Variants in MBD5 observed in about 807,000 individuals in gnomAD.
MBD5 encodes the protein methyl-CpG-binding domain protein 5.
In MBD5, 13 loss-of-function variants were observed where a neutral mutation model predicts 117.3. The ratio of observed to expected loss-of-function variants is 0.11; its 90% confidence interval spans 0.07 to 0.18. MBD5 has a LOEUF of 0.18. Among genes scored for constraint, MBD5 ranks in the 10% least tolerant of loss-of-function variants. MBD5 has a pLI of 1.00. For synonymous variants in MBD5, 727 were observed against 766.4 expected (o/e 0.95, Z 0.85); for missense variants, 1,879 against 2,093.8 (o/e 0.90, Z 2.00).
intron 4 of MBD5, among the ~76,000 whole-genome samples, chr2:148,414,585 G>A (rs1009968808): frequency 5.9e-5 from 9 of 152,090 alleles, no homozygotes; most frequent in Non-Finnish European, 1.0e-4. Context: ...CTATTATAGC[G>A]TGGGACTCTA....
chr2:148,343,567 T>C (rs1253701599), intron 4 of MBD5, among the ~76,000 whole-genome samples: 1 of 152,182 alleles, frequency 6.6e-6, no homozygotes, highest in South Asian at 2.1e-4. Flanking sequence ...GCCTCTTGTA[T>C]ATCTTCTTTT....
Position 148,021,507 on chromosome 2 carries a change from G to A in MBD5, c.-1102G>A. ...TGCTGCTGCTGCTGCTACTGCTGCT[G>A]CTGCTACTGCTGCTGCTTGGCCCTG... On this transcript the variant is annotated 5_prime_UTR_variant, in exon 1 of 14. Transcript: ENST00000642680. 1 of 576,324 alleles carries A rather than the reference G, an allele frequency of 1.7e-6. No homozygotes were observed. The allele number at this position is 576,324 out of a possible 1,614,324, so 35.7% of individuals were successfully genotyped here.
intron 4 of MBD5, among the ~76,000 whole-genome samples, chr2:148,429,904 TTGA>T (rs965418539): frequency 7.2e-5 from 11 of 151,950 alleles, no homozygotes; most frequent in Non-Finnish European, 4.4e-5. Context: ...AGATGATGGG[TTGA>T]TGGGTGCAGC....
Position 148,428,994 on chromosome 2 carries a change from T to G in MBD5, c.-556-29209T>G, listed in dbSNP as rs540712585. On this transcript the variant is annotated intron_variant, in intron 4 of 13. Transcript: ENST00000642680. ...GGCAACAAAAGCAAAAATTGACAAA[T>G]GGGATCCAATTAAACTAAAAAGCTT... 8.4e-4 allele frequency among the ~76,000 whole-genome samples: 127 copies of G among 152,084 alleles called. 1 individual carries two copies. Among genetic ancestry groups the G allele is most frequent in the South Asian group, 7.3e-3 (35 of 4,810 alleles).
chr2:148,029,776 T>G (rs1693988256), intron 1 of MBD5, among the ~76,000 whole-genome samples: 1 of 152,072 alleles, frequency 6.6e-6, no homozygotes, highest in Non-Finnish European at 1.5e-5. Context: ...TAGTTTTTAT[T>G]AATTTTAGAC....
At chr2:148,277,919 T>C (rs908971287) in intron 3 of MBD5, among the ~76,000 whole-genome samples, 15 of 152,208 alleles carry the variant, frequency 9.9e-5, no homozygotes, top group Admixed American at 2.0e-4. Flanking sequence ...TTGCATAAAG[T>C]CAGATCACCT....
At position 148,468,988 on chromosome 2, in the gene MBD5, A is replaced by G. The variant is rs761455627; in HGVS notation, c.1045A>G (p.Lys349Glu). ...PPPPSCALQK[K>E]PLTSEKDPLG... ...TCCACCTTCTTGTGCTCTTCAGAAAAAGCCATTAACATCTGAGAAAGATCC... is the reference window on the plus strand; with the variant it reads ...TCCACCTTCTTGTGCTCTTCAGAAAGAGCCATTAACATCTGAGAAAGATCC... Residue 349 changes from lysine to glutamate, a missense_variant, in exon 8 of 14, where the codon AAG becomes GAG. This residue lies in a region of MBD5 where 1,666 missense variants were observed against 1,792.2 expected (regional missense o/e 0.93). Coordinates refer to ENST00000642680, the MANE Select transcript of MBD5 (RefSeq NM_001378120.1). 6.2e-6 allele frequency: 10 copies of G among 1,613,814 alleles called. No homozygotes were observed.
chr2:148,118,087 G>A (rs1696680781), intron 1 of MBD5, among the ~76,000 whole-genome samples: 2 of 151,986 alleles, frequency 1.3e-5, no homozygotes, highest in East Asian at 1.9e-4. Flanking sequence ...AAGAATGGTC[G>A]CCACCATTAC....
At chr2:148,329,536 A>G (rs1436422614) in intron 3 of MBD5, among the ~76,000 whole-genome samples, 3 of 152,240 alleles carry the variant, frequency 2.0e-5, no homozygotes, top group Non-Finnish European at 4.4e-5. Context: ...AATTAAGCCC[A>G]GTAAAATTCA....
intron 4 of MBD5, among the ~76,000 whole-genome samples, chr2:148,389,567 C>G (rs191049496): frequency 3.3e-5 from 5 of 151,950 alleles, no homozygotes; most frequent in African/African-American, 1.2e-4. Context: ...TAAGCATTCC[C>G]TTTCCTCCAC....
At chr2:148,124,705 C>T (rs1696848771) in intron 1 of MBD5, among the ~76,000 whole-genome samples, 1 of 152,080 alleles carries the variant, frequency 6.6e-6, no homozygotes, top group Admixed American at 6.6e-5. Flanking sequence ...CTTTTACTTG[C>T]ATATATGAGC....
intron 3 of MBD5, among the ~76,000 whole-genome samples, chr2:148,303,294 A>G (rs968542822): frequency 1.3e-5 from 2 of 152,198 alleles, no homozygotes; most frequent in South Asian, 2.1e-4. Context: ...TTCCAAGCAT[A>G]CTTAAAAAAG....
At chr2:148,399,576 A>G (rs535884845) in intron 4 of MBD5, among the ~76,000 whole-genome samples, 3 of 152,114 alleles carry the variant, frequency 2.0e-5, no homozygotes, top group Non-Finnish European at 4.4e-5. Flanking sequence ...GGTTTTCTAG[A>G]TATACAATCA....
chr2:148,414,764 A>G (rs1705369386), intron 4 of MBD5, among the ~76,000 whole-genome samples: 1 of 152,074 alleles, frequency 6.6e-6, no homozygotes, highest in African/African-American at 2.4e-5. Context: ...TCTGTTTAGT[A>G]TGATACTAGA....
At chr2:148,497,429 T>C (rs1183131499) in intron 11 of MBD5, among the ~76,000 whole-genome samples, 2 of 152,168 alleles carry the variant, frequency 1.3e-5, no homozygotes, top group Non-Finnish European at 2.9e-5. Context: ...GGCTCACACC[T>C]ATGATCCCAG....
At chr2:148,175,960 TAAC>T (rs1698374656) in intron 1 of MBD5, among the ~76,000 whole-genome samples, 1 of 152,206 alleles carries the variant, frequency 6.6e-6, no homozygotes, top group African/African-American at 2.4e-5. Context: ...TAGTGCTACT[TAAC>T]AATGCCTGTT....
At chr2:148,053,802 TTTGAG>T (rs1482803400) in intron 1 of MBD5, 1 of 152,136 alleles carries the variant, frequency 6.6e-6, no homozygotes, top group African/African-American at 2.4e-5. Flanking sequence ...GTGATGGGTA[TTTGAG>T]TTATTTCAAG....
chr2:148,060,132 CAAAAAAAAAAAAAA>C (rs35925701), intron 1 of MBD5, among the ~76,000 whole-genome samples: 89 of 14,050 alleles, frequency 6.3e-3, no homozygotes, highest in African/African-American at 0.026. Context: ...ACAAAAAGTG[CAAAAAAAAAAAAAA>C]AAAAAAAAAA....
chr2:148,426,004 A>G (rs1022065383), intron 4 of MBD5, among the ~76,000 whole-genome samples: 39 of 152,314 alleles, frequency 2.6e-4, no homozygotes, highest in Middle Eastern at 3.4e-3. Context: ...TTATACACCA[A>G]TAACAGACAA....
Sources: allele counts gnomAD v4.1 joint callset (sites outside exome capture counted in the v4.1 genomes callset), GRCh38; gene constraint gnomAD v4.1.1; regional missense constraint gnomAD v4.1.1; transcripts MANE v1.5; gene names NCBI Gene and HGNC (gene_info 2026-07-23, HGNC 2026-07-21).